Variants in RBM33 observed in about 807,000 individuals in gnomAD.
RBM33 encodes the protein RNA-binding protein 33.
A neutral mutation model predicts 132.6 loss-of-function variants in RBM33; 28 were observed. That is an observed-to-expected ratio of 0.21 (90% CI 0.16 to 0.29). The LOEUF is 0.29. Ranked by LOEUF, RBM33 falls within the 10% of genes least tolerant of loss-of-function variation. The pLI is 1.00. For synonymous variants in RBM33, 634 were observed against 593.0 expected, an observed-to-expected ratio of 1.07 and a Z score of -1.01; for missense variants, 1,291 against 1,518.5, an observed-to-expected ratio of 0.85 and a Z score of 2.49.
At chr7:155,702,194 C>CT (rs1371548118) in intron 6 of RBM33, among the ~76,000 whole-genome samples, 16 of 152,092 alleles carry the variant, frequency 1.1e-4, no homozygotes, top group African/African-American at 2.7e-4. Flanking sequence ...TATTCATAGT[C>CT]TTTTTTTTGT....
At chr7:155,701,073 C>T (rs559569816) in intron 6 of RBM33, 129 bp downstream of exon 6, 10 of 789,016 alleles carry the variant, frequency 1.3e-5, no homozygotes, top group South Asian at 4.5e-5. Context: ...GGAGAGTGGC[C>T]GGACTTTGGA....
chr7:155,677,039 A>T (rs1269983748), intron 3 of RBM33, among the ~76,000 whole-genome samples: 1 of 152,086 alleles, frequency 6.6e-6, no homozygotes, highest in African/African-American at 2.4e-5. Flanking sequence ...TTGAATTATT[A>T]ATTTTTAAAG....
chr7:155,735,802 A>T (rs1446092052), intron 9 of RBM33, among the ~76,000 whole-genome samples: 1 of 151,926 alleles, frequency 6.6e-6, no homozygotes, highest in East Asian at 1.9e-4. Flanking sequence ...CAAATTAATT[A>T]GGGGTAAAAG....
At chr7:155,656,652 T>C (rs1286749505) in intron 1 of RBM33, among the ~76,000 whole-genome samples, 2 of 152,306 alleles carry the variant, frequency 1.3e-5, no homozygotes, top group East Asian at 3.9e-4. Context: ...GATAGAAGAA[T>C]TCAGCTGTTT....
chr7:155,655,601 G>C (rs1798472981), intron 1 of RBM33, among the ~76,000 whole-genome samples: 1 of 142,064 alleles, frequency 7.0e-6, no homozygotes, highest in Non-Finnish European at 1.5e-5. Flanking sequence ...AGTAATGGTG[G>C]GTACATTCTC....
At chr7:155,717,048 A>G (rs914912765) in intron 8 of RBM33, among the ~76,000 whole-genome samples, 6 of 152,208 alleles carry the variant, frequency 3.9e-5, no homozygotes, top group African/African-American at 1.4e-4. Flanking sequence ...AAAGTTTATC[A>G]TAGCACCCTG....
At chr7:155,727,040 G>A (rs1218329702) in intron 9 of RBM33, among the ~76,000 whole-genome samples, 1 of 152,220 alleles carries the variant, frequency 6.6e-6, no homozygotes, top group South Asian at 2.1e-4. Flanking sequence ...GGCTGAGTCA[G>A]GCTGTGAACC....
At chr7:155,676,258 G>A (rs1799182008) in intron 3 of RBM33, among the ~76,000 whole-genome samples, 2 of 152,174 alleles carry the variant, frequency 1.3e-5, no homozygotes, top group Admixed American at 6.5e-5. Context: ...AATAATTAAG[G>A]TTTCAAACTG....
intron 14 of RBM33, among the ~76,000 whole-genome samples, chr7:155,746,155 GCTT>G (rs1363685399): frequency 2.0e-5 from 3 of 152,128 alleles, no homozygotes; most frequent in African/African-American, 4.8e-5. Context: ...CTCAGTTTTA[GCTT>G]CTTATTGTAG....
intron 3 of RBM33, among the ~76,000 whole-genome samples, chr7:155,673,617 TATATATATACACACATATACATACACAC>T (rs1799035191): frequency 6.1e-5 from 4 of 65,828 alleles, no homozygotes; most frequent in East Asian, 4.0e-4. Context: ...TACACACGTG[TATATATATACACACATATACATACACAC>T]GTGTATATAT....
At chr7:155,756,653 C>T (rs1014671303) in intron 14 of RBM33, among the ~76,000 whole-genome samples, 4 of 152,040 alleles carry the variant, frequency 2.6e-5, no homozygotes, top group African/African-American at 7.2e-5. Context: ...TAGCTGGGAT[C>T]GTGATGTTTA....
At chr7:155,721,494 T>A (rs764639244) in intron 9 of RBM33, among the ~76,000 whole-genome samples, 1 of 152,162 alleles carries the variant, frequency 6.6e-6, no homozygotes, top group Non-Finnish European at 1.5e-5. Flanking sequence ...CATTTAACTA[T>A]ACAAGAATGC....
chr7:155,654,309 G>C lies in RBM33; in HGVS notation c.43+9390G>C, dbSNP rs765084553. ...ATTCTCCCTTCTGTTTCTTCACCGT[G>C]ATGCTAACCACATTTTTTTTTCTTA... On this transcript the variant is annotated intron_variant, in intron 1 of 17. Transcript: ENST00000401878. Among the ~76,000 whole-genome samples the C allele has an allele frequency of 7.9e-5, 12 of 152,162 alleles. No homozygotes were observed. The Middle Eastern group carries it at 0.01, about 129-fold the overall frequency.
rs1009824368 is a variant in RBM33 at position 155,763,902 on chromosome 7, G to T, written c.3070G>T (p.Val1024Leu). ...AGTGGGACCACAGCCTGCCCGCAAG[G>T]TGACGCTGACCAGGGGGGGCCTCCA... ...PEVGPQPARKVTLTRGGLQQP... is the reference protein window; with the variant it reads ...PEVGPQPARKLTLTRGGLQQP... The change falls in exon 15 of 18, where the codon GTG (valine) becomes TTG (leucine). Residue 1024 changes from valine to leucine, a missense_variant. By Grantham distance (32) the Val-to-Leu change is conservative. This residue lies in a region of RBM33 where 841 missense variants were observed against 912.0 expected (regional missense o/e 0.92). Transcript: ENST00000401878. The T allele has an allele frequency of 1.2e-6, 2 of 1,610,000 alleles. No individual in the cohort carries two copies. Among genetic ancestry groups the T allele is most frequent in the Non-Finnish European group, 1.7e-6 (2 of 1,178,364 alleles).
intron 3 of RBM33, among the ~76,000 whole-genome samples, chr7:155,675,905 A>G (rs1799172283): frequency 6.6e-6 from 1 of 152,230 alleles, no homozygotes; most frequent in Non-Finnish European, 1.5e-5. Flanking sequence ...ACTTTTTAAA[A>G]AGAATCTTTG....
intron 1 of RBM33, among the ~76,000 whole-genome samples, chr7:155,659,009 G>A (rs1047407797): frequency 3.9e-5 from 6 of 152,190 alleles, no homozygotes; most frequent in Admixed American, 2.0e-4. Context: ...GGAGATAACA[G>A]TAGACAGACT....
intron 1 of RBM33, among the ~76,000 whole-genome samples, chr7:155,660,997 T>C (rs544975566): frequency 6.6e-6 from 1 of 152,142 alleles, no homozygotes; most frequent in African/African-American, 2.4e-5. Flanking sequence ...GTCTGCTAGT[T>C]CACATCTACT....
At chr7:155,714,897 G>A (rs940578444) in intron 8 of RBM33, among the ~76,000 whole-genome samples, 1 of 152,196 alleles carries the variant, frequency 6.6e-6, no homozygotes, top group Non-Finnish European at 1.5e-5. Context: ...GCAGGGGACT[G>A]TGATGGTGAC....
chr7:155,759,069 T>C (rs1471459731), intron 14 of RBM33, among the ~76,000 whole-genome samples: 1 of 152,238 alleles, frequency 6.6e-6, no homozygotes, highest in Non-Finnish European at 1.5e-5. Flanking sequence ...TTCCTGTCTT[T>C]TCAGGCCATT....
Sources: allele counts gnomAD v4.1 joint callset (sites outside exome capture counted in the v4.1 genomes callset), GRCh38; gene constraint gnomAD v4.1.1; regional missense constraint gnomAD v4.1.1; transcripts MANE v1.5; gene names NCBI Gene and HGNC (gene_info 2026-07-23, HGNC 2026-07-21).